Variants in NPAS3 observed in about 807,000 individuals in gnomAD.
NPAS3 encodes neuronal PAS domain protein 3.
Under a neutral mutation model 73.1 loss-of-function variants are expected in NPAS3, and 14 were observed. The observed-to-expected ratio is 0.19, with a 90% CI of 0.13 to 0.30. NPAS3 has a LOEUF of 0.30. Ranked by LOEUF, NPAS3 falls within the 10% of genes least tolerant of loss-of-function variation. The probability of loss-of-function intolerance (pLI) is 1.00; values close to 1 mark genes in which losing one functional copy is unlikely to be tolerated. For synonymous variants in NPAS3, 620 were observed against 541.5 expected (o/e 1.14, Z -2.01); for missense variants, 1,096 against 1,250.0 (o/e 0.88, Z 1.86).
At chr14:33,754,200 A>G (rs970552344) in intron 7 of NPAS3, among the ~76,000 whole-genome samples, 1 of 152,136 alleles carries the variant, frequency 6.6e-6, no homozygotes, top group African/African-American at 2.4e-5. Context: ...ATTGCTGTCT[A>G]ATATTAGAGG....
chr14:33,061,219 A>C (rs1456568480), intron 2 of NPAS3, among the ~76,000 whole-genome samples: 16 of 152,232 alleles, frequency 1.1e-4, no homozygotes, highest in African/African-American at 2.9e-4. Flanking sequence ...CGGAGGCTCC[A>C]GCAGCAGGAG....
chr14:33,398,209 G>A (rs567303434), intron 4 of NPAS3, among the ~76,000 whole-genome samples: 95 of 152,072 alleles, frequency 6.2e-4, no homozygotes, highest in Admixed American at 3.7e-3. Flanking sequence ...CTAATTTCCC[G>A]AAGATTAATA....
At position 33,776,558 on chromosome 14, in the gene NPAS3, A is replaced by G. The variant is rs978394974; in HGVS notation, c.1047-1908A>G. ...AAAAAAAAAAAAAAAAAAAAAAAAAAAAAGCTTTTCACAGTCCCCTTTATT... is the reference window on the plus strand; with the variant it reads ...AAAAAAAAAAAAAAAAAAAAAAAAAGAAAGCTTTTCACAGTCCCCTTTATT... On this transcript the variant is annotated intron_variant, in intron 8 of 11. Coordinates refer to ENST00000356141, the Ensembl canonical transcript of NPAS3. Among the ~76,000 whole-genome samples, 214 of 129,186 alleles carry G rather than the reference A, an allele frequency of 1.7e-3. 1 individual carries two copies. The highest frequency in any genetic ancestry group is 4.6e-3 in the Middle Eastern group (1 of 216). 84.8% of individuals were successfully genotyped at this position (129,186 alleles called of 152,430 possible).
intron 5 of NPAS3, among the ~76,000 whole-genome samples, chr14:33,587,250 TTA>T (rs1172615774): frequency 2.0e-5 from 3 of 152,200 alleles, no homozygotes; most frequent in South Asian, 4.1e-4. Context: ...TAAAATAGTT[TTA>T]TGTCAGTCAT....
intron 4 of NPAS3, among the ~76,000 whole-genome samples, chr14:33,553,132 C>T (rs756415892): frequency 1.3e-5 from 2 of 152,172 alleles, no homozygotes; most frequent in Non-Finnish European, 2.9e-5. Context: ...GCCTATTGTC[C>T]ATTTGGCTGG....
intron 3 of NPAS3, among the ~76,000 whole-genome samples, chr14:33,289,753 C>G (rs12878630): frequency 1.3e-5 from 2 of 150,804 alleles, no homozygotes; most frequent in Non-Finnish European, 2.9e-5. Context: ...GCCCAGGAGT[C>G]GGAGGTTACG....
At chr14:33,714,037 G>C (rs185961578) in intron 6 of NPAS3, among the ~76,000 whole-genome samples, 58 of 152,090 alleles carry the variant, frequency 3.8e-4, no homozygotes, top group African/African-American at 1.4e-3. Flanking sequence ...TCTGTAATCA[G>C]ATGCCCCCTT....
chr14:33,430,556 G>A (rs923622611), intron 4 of NPAS3, among the ~76,000 whole-genome samples: 31 of 152,026 alleles, frequency 2.0e-4, no homozygotes, highest in Admixed American at 7.9e-4. Context: ...CGGGGTGTCT[G>A]CACTGTGACA....
chr14:33,732,939 G>A (rs2061435210), intron 6 of NPAS3, among the ~76,000 whole-genome samples: 1 of 152,166 alleles, frequency 6.6e-6, no homozygotes, highest in Non-Finnish European at 1.5e-5. Flanking sequence ...GTGTTTTACT[G>A]TGCAGTTCTC....
chr14:33,160,446 G>T (rs955024015), intron 2 of NPAS3, among the ~76,000 whole-genome samples: 2 of 141,600 alleles, frequency 1.4e-5, no homozygotes, highest in African/African-American at 5.3e-5. Context: ...CCAAAGAAAA[G>T]TCTGTGGCTC....
chr14:33,755,027 T>G (rs60579647), intron 7 of NPAS3, among the ~76,000 whole-genome samples: 2,476 of 152,300 alleles, frequency 0.016, 78 homozygotes, highest in African/African-American at 0.055. Context: ...TGCAGAGCCC[T>G]GGCCTTAGGA....
chr14:32,936,869 A>C (rs1302645421), upstream of NPAS3, among the ~76,000 whole-genome samples: 1 of 151,578 alleles, frequency 6.6e-6, no homozygotes, highest in East Asian at 1.9e-4. Flanking sequence ...TTCCACTTTC[A>C]ACTTTGAATT....
At chr14:33,694,795 A>T (rs1226382262) in intron 6 of NPAS3, among the ~76,000 whole-genome samples, 1 of 152,206 alleles carries the variant, frequency 6.6e-6, no homozygotes, top group Non-Finnish European at 1.5e-5. Flanking sequence ...TGCGACAGCA[A>T]GACCACCTAA....
intron 1 of NPAS3, 44 bp downstream of exon 1, chr14:32,939,410 C>CCCGCCGCCG (rs574696482): frequency 5.1e-6 from 3 of 592,208 alleles, no homozygotes; most frequent in Admixed American, 4.6e-5. Flanking sequence ...GGCCGCTGCT[C>CCCGCCGCCG]CCGCCGCCGC....
chr14:33,263,586 T>C (rs889806043), intron 3 of NPAS3, among the ~76,000 whole-genome samples: 57 of 152,208 alleles, frequency 3.7e-4, no homozygotes, highest in Non-Finnish European at 8.2e-4. Context: ...TGGCTTAGGA[T>C]TGACTTGGCA....
At chr14:33,795,890 A>C (rs929682628) in intron 10 of NPAS3, among the ~76,000 whole-genome samples, 3 of 152,188 alleles carry the variant, frequency 2.0e-5, no homozygotes, top group Admixed American at 2.0e-4. Flanking sequence ...CCAGTCTTCA[A>C]CCTCAAAAGC....
In NPAS3 at chr14:33,743,541, A is replaced by G. The variant is rs189840311; in HGVS notation, c.852+8209A>G. Reference sequence around the variant, plus strand: ...TAGATTTAGCATAATTCTTAAAAGCATAATTCTTAAGAGCCCTAGGATTTC... The same window carrying G: ...TAGATTTAGCATAATTCTTAAAAGCGTAATTCTTAAGAGCCCTAGGATTTC... On this transcript the variant is annotated intron_variant, in intron 7 of 11. Transcript: ENST00000356141. Among the ~76,000 whole-genome samples, 525 of 152,320 alleles carry G rather than the reference A, an allele frequency of 3.4e-3. 2 individuals carry two copies. Among genetic ancestry groups the G allele is most frequent in the African/African-American group, 0.011 (453 of 41,576 alleles).
At chr14:33,567,665 T>C (rs1430788513) in intron 5 of NPAS3, among the ~76,000 whole-genome samples, 1 of 152,230 alleles carries the variant, frequency 6.6e-6, no homozygotes, top group Non-Finnish European at 1.5e-5. Context: ...CTGCTGGCTG[T>C]CACTCTATGC....
At chr14:33,093,602 A>C (rs2138830849) in intron 2 of NPAS3, among the ~76,000 whole-genome samples, 1 of 149,396 alleles carries the variant, frequency 6.7e-6, no homozygotes, top group Non-Finnish European at 1.5e-5. Context: ...CATTTGACCC[A>C]GCCATGCCAT....
Sources: allele counts gnomAD v4.1 joint callset (sites outside exome capture counted in the v4.1 genomes callset), GRCh38; gene constraint gnomAD v4.1.1; transcripts MANE v1.5; gene names NCBI Gene and HGNC (gene_info 2026-07-23, HGNC 2026-07-21).